DYRK2: variants seen among roughly 807,000 people sequenced by gnomAD.
DYRK2 encodes the protein dual specificity tyrosine-phosphorylation-regulated kinase 2.
In DYRK2, 12 loss-of-function variants were observed where a neutral mutation model predicts 41.6. That is an observed-to-expected ratio of 0.29 (90% CI 0.18 to 0.47). The LOEUF (loss-of-function observed/expected upper bound fraction) is 0.47, where lower values mean the gene tolerates loss of function less well. DYRK2 is among the 20% of genes least tolerant of loss of function. The probability of loss-of-function intolerance (pLI) is 1.00; values close to 1 mark genes in which losing one functional copy is unlikely to be tolerated. For synonymous variants in DYRK2, 322 were observed against 315.7 expected, an observed-to-expected ratio of 1.02 and a Z score of -0.21; for missense variants, 678 against 798.4, an observed-to-expected ratio of 0.85 and a Z score of 1.82.
Position 67,661,097 on chromosome 12 carries a change from CT to C in DYRK2, c.*2396del, listed in dbSNP as rs544989474. On this transcript the variant is annotated 3_prime_UTR_variant, in exon 3 of 3. Coordinates refer to ENST00000344096, the MANE Select transcript of DYRK2 (RefSeq NM_006482.3). Reference sequence around the variant, plus strand: ...TATAATAATGTGCAGCACTGTAGGGCTTTTTTTTTTTTCCCTCCAAATACAG... The same window carrying C: ...TATAATAATGTGCAGCACTGTAGGGCTTTTTTTTTTTCCCTCCAAATACAG... The C allele has an allele frequency of 0.021, 3,227 of 151,886 alleles. No individual in the cohort carries two copies. Among genetic ancestry groups the C allele is most frequent in the Middle Eastern group, 3.5e-3 (1 of 286 alleles). The allele number at this position is 151,886 out of a possible 1,614,324, so 9.4% of individuals were successfully genotyped here.
chr12:67,663,639 A>C lies in DYRK2; in HGVS notation c.*4926A>C, dbSNP rs773055349. On this transcript the variant is annotated 3_prime_UTR_variant, in exon 3 of 3. Coordinates refer to ENST00000344096, the MANE Select transcript of DYRK2 (RefSeq NM_006482.3). ...AATATATTTAGAAATGTAAGTGTTA[A>C]GAGATGTGCATTATGTACAAAATTG... The C allele has an allele frequency of 2.0e-5, 3 of 152,212 alleles. No homozygotes were observed. Among genetic ancestry groups the C allele is most frequent in the Non-Finnish European group, 4.4e-5 (3 of 68,024 alleles). The allele number at this position is 152,212 out of a possible 1,614,324, so 9.4% of individuals were successfully genotyped here. A position where few individuals can be genotyped will look rare whatever the true frequency, so the allele number is the denominator to read the frequency against.
intron 2 of DYRK2, chr12:67,652,392 C>T (rs978650457): frequency 1.3e-5 from 2 of 151,940 alleles, no homozygotes; most frequent in Admixed American, 1.3e-4. Context: ...CTATGTAAAA[C>T]ACTCCAGTTA....
rs1252799146 is a variant in DYRK2, at chr12:67,657,602, G to T, written c.695G>T (p.Ser232Ile). The change falls in exon 3 of 3, where the codon AGC (serine) becomes ATC (isoleucine). Residue 232 changes from serine to isoleucine, a missense_variant. By Grantham distance (142) the Ser-to-Ile change is moderately radical. This residue lies in a region of DYRK2 where 393 missense variants were observed against 519.1 expected (regional missense o/e 0.76). Transcript: ENST00000344096. This position sits in a 1 kb window ranked among gnomAD's most constrained non-coding sequence, Gnocchi z 4.8. ...GTCCTCAAGGTCATTGGGAAGGGGAGCTTTGGGCAGGTGGTCAAGGCCTAC... is the reference window on the plus strand; with the variant it reads ...GTCCTCAAGGTCATTGGGAAGGGGATCTTTGGGCAGGTGGTCAAGGCCTAC... ...YEVLKVIGKG[S>I]FGQVVKAYDH... The T allele has an allele frequency of 6.2e-7, 1 of 1,614,004 alleles. No individual in the cohort carries two copies. The highest frequency in any genetic ancestry group is 8.5e-7 in the Non-Finnish European group (1 of 1,180,044).
chr12:67,651,854 A>G (rs557293226), intron 2 of DYRK2, among the ~76,000 whole-genome samples: 23 of 152,338 alleles, frequency 1.5e-4, no homozygotes, highest in Admixed American at 1.4e-3. Flanking sequence ...TCAAGGCCAG[A>G]GTGAAAGCCT....
intron 2 of DYRK2, chr12:67,651,807 GTAAC>G: frequency 2.9e-6 from 1 of 342,038 alleles, no homozygotes; most frequent in Non-Finnish European, 5.7e-6. Flanking sequence ...CTCAGACAAG[GTAAC>G]TGGTTTCATC....
chr12:67,654,443 CA>C (rs1344738997), intron 2 of DYRK2, among the ~76,000 whole-genome samples: 1 of 152,160 alleles, frequency 6.6e-6, no homozygotes, highest in Non-Finnish European at 1.5e-5. Flanking sequence ...ACTCTAGAAG[CA>C]CTATGGAGAA....
chr12:67,665,189 T>C lies in DYRK2; in HGVS notation c.*6476T>C, dbSNP rs931978205. The C allele has an allele frequency of 6.6e-6, 1 of 152,200 alleles. No homozygotes were observed. The highest frequency in any genetic ancestry group is 2.4e-5 in the African/African-American group (1 of 41,462). The allele number at this position is 152,200 out of a possible 1,614,324, so 9.4% of individuals were successfully genotyped here. Reference sequence around the variant, plus strand: ...ATATTGTGTCTTTCCTTGCTTTTTATCCCAATTTATCTCCCCTCCTAAGTT... The same window carrying C: ...ATATTGTGTCTTTCCTTGCTTTTTACCCCAATTTATCTCCCCTCCTAAGTT... On this transcript the variant is annotated 3_prime_UTR_variant, in exon 3 of 3. Coordinates refer to ENST00000344096, the MANE Select transcript of DYRK2 (RefSeq NM_006482.3).
At position 67,661,710 on chromosome 12, in the gene DYRK2, CAT is replaced by C. The variant is rs1872627922; in HGVS notation, c.*2998_*2999del. 2 of 166,926 alleles carry C rather than the reference CAT, an allele frequency of 1.2e-5. No individual in the cohort carries two copies. Among genetic ancestry groups the C allele is most frequent in the Non-Finnish European group, 2.9e-5 (2 of 68,070 alleles). 10.3% of individuals were successfully genotyped at this position (166,926 alleles called of 1,614,324 possible). The stretch of plus-strand genomic sequence containing the variant: ...TCTTCAGGCACTGAAAAAAGATAAC[CAT>C]CAGGTAGTGTTACACAAGGACTTCC... On this transcript the variant is annotated 3_prime_UTR_variant, in exon 3 of 3. Coordinates refer to ENST00000344096, the MANE Select transcript of DYRK2 (RefSeq NM_006482.3).
intron 2 of DYRK2, among the ~76,000 whole-genome samples, chr12:67,653,961 A>C (rs1190106556): frequency 6.6e-6 from 1 of 152,256 alleles, no homozygotes; most frequent in Admixed American, 6.5e-5. Flanking sequence ...TGGAAAGGAC[A>C]ATAATAATGC....
At chr12:67,651,135 G>C (rs896564115) in intron 2 of DYRK2, among the ~76,000 whole-genome samples, 14 of 152,280 alleles carry the variant, frequency 9.2e-5, no homozygotes, top group African/African-American at 3.4e-4. Flanking sequence ...TGGTCCCAGG[G>C]GCTGGGAATT....
At position 67,664,697 on chromosome 12, in the gene DYRK2, T is replaced by C. The variant is rs762347373; in HGVS notation, c.*5984T>C. On this transcript the variant is annotated 3_prime_UTR_variant, in exon 3 of 3. Coordinates refer to ENST00000344096, the MANE Select transcript of DYRK2 (RefSeq NM_006482.3). Reference sequence around the variant, plus strand: ...AAAGGGGGGGAAGTTGAGCTAGCAATGGGCATTTCTATTATTTAAGTTACA... The same window carrying C: ...AAAGGGGGGGAAGTTGAGCTAGCAACGGGCATTTCTATTATTTAAGTTACA... The C allele has an allele frequency of 1.3e-5, 2 of 152,158 alleles. No homozygotes were observed. The highest frequency in any genetic ancestry group is 2.9e-5 in the Non-Finnish European group (2 of 68,002). 9.4% of individuals were successfully genotyped at this position (152,158 alleles called of 1,614,324 possible). A position where few individuals can be genotyped will look rare whatever the true frequency, so the allele number is the denominator to read the frequency against.
rs1283748588 is a variant in DYRK2, at chr12:67,661,498, G to A, written c.*2785G>A. 3 of 167,044 alleles carry A rather than the reference G, an allele frequency of 1.8e-5. No homozygotes were observed. In the East Asian group the frequency reaches 5.8e-4, roughly 32 times the overall value. The allele number at this position is 167,044 out of a possible 1,614,324, so 10.3% of individuals were successfully genotyped here. On this transcript the variant is annotated 3_prime_UTR_variant, in exon 3 of 3. Transcript: ENST00000344096. ...AAGACACTGTAGATTAACGGTAGAG[G>A]AGAAATTGTGCCCTTAGTGTTAACA...
At chr12:67,651,896 A>G (rs1475197816) in intron 2 of DYRK2, among the ~76,000 whole-genome samples, 1 of 152,204 alleles carries the variant, frequency 6.6e-6, no homozygotes, top group Non-Finnish European at 1.5e-5. Flanking sequence ...TAATATACTG[A>G]TGGAGACTGC....
intron 1 of DYRK2, among the ~76,000 whole-genome samples, 169 bp downstream of exon 1, chr12:67,649,351 G>A (rs1353888621): frequency 2.6e-5 from 4 of 151,394 alleles, no homozygotes; most frequent in African/African-American, 4.8e-5. Flanking sequence ...GGTTGTGCGC[G>A]GCCCCGAAGG....
chr12:67,649,559 C>A (rs563891343), intron 1 of DYRK2: 12 of 430,404 alleles, frequency 2.8e-5, no homozygotes, highest in Non-Finnish European at 3.8e-5. Flanking sequence ...CGGCCCGGCT[C>A]CCCCGCCGGG....
rs751143859 is a variant in DYRK2, at chr12:67,657,570, G to A, written c.663G>A (p.Arg221=). The change falls in exon 3 of 3, where the codon AGG becomes AGA. Residue 221 remains arginine, a synonymous_variant. Coordinates refer to ENST00000344096, the MANE Select transcript of DYRK2 (RefSeq NM_006482.3). This position sits in a 1 kb window ranked among gnomAD's most constrained non-coding sequence, Gnocchi z 4.8. The part of the protein sequence containing the change: ...VQVPHDHVAY[R]YEVLKVIGKG... ...TGCCCCACGATCACGTGGCTTACAG[G>A]TATGAGGTCCTCAAGGTCATTGGGA... The A allele has an allele frequency of 1.2e-6, 2 of 1,614,116 alleles. No individual in the cohort carries two copies. Among genetic ancestry groups the A allele is most frequent in the Admixed American group, 1.7e-5 (1 of 60,022 alleles).
At position 67,661,459 on chromosome 12, in the gene DYRK2, C is replaced by T. The variant is rs1175123003; in HGVS notation, c.*2746C>T. 2 of 167,050 alleles carry T rather than the reference C, an allele frequency of 1.2e-5. No homozygotes were observed. Among genetic ancestry groups the T allele is most frequent in the Non-Finnish European group, 2.9e-5 (2 of 68,102 alleles). The allele number at this position is 167,050 out of a possible 1,614,324, so 10.3% of individuals were successfully genotyped here. A position where few individuals can be genotyped will look rare whatever the true frequency, so the allele number is the denominator to read the frequency against. ...TAAATATATTGCTACAGCAGTGGAA[C>T]AACAGAGTGGTGCAAGACACTGTAG... On this transcript the variant is annotated 3_prime_UTR_variant, in exon 3 of 3. Transcript: ENST00000344096.
intron 1 of DYRK2, 157 bp from the exon 2 acceptor site, chr12:67,649,640 G>A: frequency 1.2e-6 from 1 of 839,298 alleles, no homozygotes; most frequent in Non-Finnish European, 1.6e-6. Flanking sequence ...GTGTGCGCTG[G>A]GGAGCCGTGA....
Position 67,658,491 on chromosome 12 carries a change from G to C in DYRK2, c.1584G>C (p.Gln528His), listed in dbSNP as rs776854870. Residue 528 changes from glutamine to histidine, a missense_variant, in exon 3 of 3, where the codon CAG becomes CAC. Coordinates refer to ENST00000344096, the MANE Select transcript of DYRK2 (RefSeq NM_006482.3). This position sits in a 1 kb window ranked among gnomAD's most constrained non-coding sequence, Gnocchi z 4.3. ...WDPAVRMTPG[Q>H]ALRHPWLRRR... ...CTGCAGTGCGCATGACCCCAGGCCA[G>C]GCTTTGCGGCACCCCTGGCTGAGGA... is the stretch of plus-strand genomic sequence containing the variant. The C allele has an allele frequency of 1.2e-6, 2 of 1,609,432 alleles. No individual in the cohort carries two copies. Among genetic ancestry groups the C allele is most frequent in the Non-Finnish European group, 1.7e-6 (2 of 1,177,766 alleles).
Sources: gnomAD v4.1 joint callset for allele counts (sites outside exome capture counted in the v4.1 genomes callset) on GRCh38, gnomAD v4.1.1 for gene constraint, gnomAD v4.1.1 regional missense constraint, Gnocchi (gnomAD v3.1) non-coding constraint, MANE v1.5 for transcripts, NCBI Gene and HGNC (gene_info 2026-07-23, HGNC 2026-07-21) for gene names.